NIM1K: variants seen among roughly 807,000 people sequenced by gnomAD.
NIM1K encodes NIM1 serine/threonine protein kinase.
In NIM1K, 35 loss-of-function variants were observed where a neutral mutation model predicts 37.1. The observed-to-expected ratio is 0.94, with a 90% CI of 0.72 to 1.25. The LOEUF (loss-of-function observed/expected upper bound fraction) is 1.25. Ranked by LOEUF, NIM1K falls within the 50% of genes most tolerant of loss-of-function variation. The probability of loss-of-function intolerance (pLI) is 0.00; values close to 1 mark genes in which losing one functional copy is unlikely to be tolerated. For synonymous variants in NIM1K, 234 were observed against 206.6 expected, an observed-to-expected ratio of 1.13 and a Z score of -1.14; for missense variants, 564 against 548.0, an observed-to-expected ratio of 1.03 and a Z score of -0.29.
intron 1 of NIM1K, among the ~76,000 whole-genome samples, chr5:43,202,948 T>C (rs1227912279): frequency 6.6e-6 from 1 of 152,146 alleles, no homozygotes; most frequent in Admixed American, 6.5e-5. Context: ...GTCCTGAGAT[T>C]TTCAATGGCG....
Position 43,194,875 on chromosome 5 carries a change from G to C in NIM1K, c.-695+2464G>C, listed in dbSNP as rs182427414. On this transcript the variant is annotated intron_variant, in intron 1 of 3. Coordinates refer to ENST00000326035, the MANE Select transcript of NIM1K (RefSeq NM_153361.4). ...AGCCTCCTGAGGAGCTGGGACTACA[G>C]GTGCATGACAGACTTATCATACATT... 121 of 152,254 alleles carry C rather than the reference G, an allele frequency of 7.9e-4. 1 individual carries two copies. Among genetic ancestry groups the C allele is most frequent in the African/African-American group, 2.9e-3 (120 of 41,542 alleles). The allele number at this position is 152,254 out of a possible 1,614,324, so 9.4% of individuals were successfully genotyped here.
intron 3 of NIM1K, among the ~76,000 whole-genome samples, chr5:43,279,193 C>T (rs1485176169): frequency 4.6e-5 from 7 of 152,188 alleles, no homozygotes; most frequent in Non-Finnish European, 1.0e-4. Context: ...CTGTTCTCAT[C>T]ATACGTAGTT....
chr5:43,221,793 G>A (rs1752384442), intron 1 of NIM1K, among the ~76,000 whole-genome samples: 1 of 152,218 alleles, frequency 6.6e-6, no homozygotes, highest in African/African-American at 2.4e-5. Context: ...TATGCATTTA[G>A]TTAGGTTACA....
intron 1 of NIM1K, chr5:43,232,421 T>A: frequency 6.8e-7 from 1 of 1,465,826 alleles, no homozygotes; most frequent in Non-Finnish European, 9.5e-7. Flanking sequence ...TTCTGTCAGA[T>A]CAACATTCAG....
chr5:43,243,393 A>G (rs1344765678), intron 1 of NIM1K, among the ~76,000 whole-genome samples: 3 of 151,848 alleles, frequency 2.0e-5, no homozygotes, highest in Admixed American at 1.3e-4. Context: ...GAGATTCTTA[A>G]CCTGATGGGT....
chr5:43,277,341 G>A lies in NIM1K; in HGVS notation c.561+16G>A, dbSNP rs371064873. ...GAAGCACATGGTGAGCAGGGGTGAC[G>A]AGTGAGAACCTTGCTCCCATTGCAC... On this transcript the variant is annotated intron_variant, in intron 3 of 3. Transcript: ENST00000326035. 56 of 1,609,048 alleles carry A rather than the reference G, an allele frequency of 3.5e-5. No individual in the cohort carries two copies. The highest frequency in any genetic ancestry group is 6.7e-5 in the East Asian group (3 of 44,848).
In NIM1K at chr5:43,266,159, G is replaced by C. The variant is rs747110580; in HGVS notation, c.293-10898G>C. 2.6e-5 allele frequency among the ~76,000 whole-genome samples: 4 copies of C among 152,212 alleles called. No individual in the cohort carries two copies. The East Asian group carries it at 7.7e-4, about 29-fold the overall frequency. On this transcript the variant is annotated intron_variant, in intron 2 of 3. Coordinates refer to ENST00000326035, the MANE Select transcript of NIM1K (RefSeq NM_153361.4). ...ACTCTCTTCAAAGCTGTCAGACAGG[G>C]ATGTTTAAGTCTGCAGAATTTTCTG... is the stretch of plus-strand genomic sequence containing the variant.
Position 43,245,461 on chromosome 5 carries a change from T to C in NIM1K, c.-315T>C, listed in dbSNP as rs1264043026. 1.8e-5 allele frequency: 4 copies of C among 227,894 alleles called. No homozygotes were observed. 14.1% of individuals were successfully genotyped at this position (227,894 alleles called of 1,614,324 possible). A position where few individuals can be genotyped will look rare whatever the true frequency, so the allele number is the denominator to read the frequency against. ...ACTCCACGTCTGGCCAGAAAGTTCC[T>C]GGAGTCCCATCAGGCCAGTGGGTAT... On this transcript the variant is annotated 5_prime_UTR_variant, in exon 2 of 4. Transcript: ENST00000326035.
intron 1 of NIM1K, among the ~76,000 whole-genome samples, chr5:43,198,146 T>TC: frequency 2.2e-5 from 1 of 45,510 alleles, no homozygotes; most frequent in Admixed American, 2.2e-4. Flanking sequence ...TTTCTTTCTT[T>TC]CTTTCTTTCT....
intron 1 of NIM1K, among the ~76,000 whole-genome samples, chr5:43,195,709 G>C (rs561052222): frequency 1.3e-5 from 2 of 148,330 alleles, no homozygotes; most frequent in South Asian, 4.3e-4. Flanking sequence ...TTGGAAAATC[G>C]AGACAAAAAT....
intron 3 of NIM1K, among the ~76,000 whole-genome samples, chr5:43,278,229 G>C (rs1387846699): frequency 1.3e-5 from 2 of 152,048 alleles, no homozygotes; most frequent in African/African-American, 4.8e-5. Flanking sequence ...GTTTTTAATA[G>C]AGATGAGGTT....
chr5:43,207,761 T>A (rs1179905499), intron 1 of NIM1K: 1 of 459,234 alleles, frequency 2.2e-6, no homozygotes, highest in African/African-American at 2.0e-5. Context: ...TGTCCCTTCA[T>A]ACTTGGAATT....
intron 2 of NIM1K, among the ~76,000 whole-genome samples, chr5:43,266,399 T>A (rs1053389345): frequency 6.6e-6 from 1 of 152,214 alleles, no homozygotes; most frequent in Non-Finnish European, 1.5e-5. Context: ...TGAGGCTCCA[T>A]GGGCGTGGGA....
chr5:43,246,529 G>A (rs1458955516), intron 2 of NIM1K, among the ~76,000 whole-genome samples: 2 of 151,562 alleles, frequency 1.3e-5, no homozygotes, highest in South Asian at 2.1e-4. Flanking sequence ...AGTAACAATG[G>A]CACAGTGCGG....
chr5:43,205,553 G>A (rs1373137667), intron 1 of NIM1K, among the ~76,000 whole-genome samples: 4 of 152,032 alleles, frequency 2.6e-5, no homozygotes, highest in Non-Finnish European at 5.9e-5. Context: ...CAGGAGTCAA[G>A]ACCAGCCTGG....
At chr5:43,196,424 C>T (rs186345727) in intron 1 of NIM1K, among the ~76,000 whole-genome samples, 15 of 151,240 alleles carry the variant, frequency 9.9e-5, no homozygotes, top group African/African-American at 2.9e-4. Flanking sequence ...GTCAGGAGAT[C>T]GAGACCATCC....
chr5:43,280,313 C>T lies in NIM1K; in HGVS notation c.895C>T (p.His299Tyr). The T allele has an allele frequency of 6.2e-7, 1 of 1,614,174 alleles. No individual in the cohort carries two copies. The highest frequency in any genetic ancestry group is 1.1e-5 in the South Asian group (1 of 91,080). ...ACCGCCGCACGTGTCAGAGCCCTGC[C>T]ACCGACTCATCCGAGGAGTCCTTCA... ...SVPPHVSEPC[H>Y]RLIRGVLQQI... The change falls in exon 4 of 4, where the codon CAC becomes TAC. Residue 299 changes from histidine to tyrosine, a missense_variant. Coordinates refer to ENST00000326035, the MANE Select transcript of NIM1K (RefSeq NM_153361.4).
At chr5:43,203,183 A>C (rs1385644668) in intron 1 of NIM1K, among the ~76,000 whole-genome samples, 2 of 152,156 alleles carry the variant, frequency 1.3e-5, no homozygotes, top group Non-Finnish European at 2.9e-5. Flanking sequence ...GTTCCCAAGA[A>C]GAGCAATTCT....
chr5:43,247,950 C>T (rs904786337), intron 2 of NIM1K, among the ~76,000 whole-genome samples: 5 of 152,146 alleles, frequency 3.3e-5, no homozygotes, highest in Admixed American at 6.5e-5. Flanking sequence ...TAGATACAAC[C>T]TTCATCCTCA....
Sources: allele counts gnomAD v4.1 joint callset (sites outside exome capture counted in the v4.1 genomes callset), GRCh38; gene constraint gnomAD v4.1.1; transcripts MANE v1.5; gene names NCBI Gene and HGNC (gene_info 2026-07-23, HGNC 2026-07-21).